Variants in CLDN15 observed in about 807,000 individuals in gnomAD.
CLDN15 encodes claudin 15.
In CLDN15, 9 loss-of-function variants were observed where a neutral mutation model predicts 24.5. The ratio of observed to expected loss-of-function variants is 0.37; its 90% CI spans 0.22 to 0.64. CLDN15 has a LOEUF of 0.64. Ranked by LOEUF, CLDN15 falls within the 30% of genes least tolerant of loss-of-function variation. The pLI, the probability that CLDN15 is intolerant of heterozygous loss-of-function variation, is 0.63. For synonymous variants in CLDN15, 149 were observed against 131.4 expected, an observed-to-expected ratio of 1.13 and a Z score of -0.92; for missense variants, 248 against 305.9, an observed-to-expected ratio of 0.81 and a Z score of 1.41.
rs549432025 is a variant in CLDN15, at chr7:101,237,627, G to A, written c.-46C>T. The A allele has an allele frequency of 3.4e-4, 483 of 1,415,580 alleles. No homozygotes were observed. Among genetic ancestry groups the A allele is most frequent in the Non-Finnish European group, 4.6e-4 (458 of 1,002,802 alleles). The allele number at this position is 1,415,580 out of a possible 1,614,324, so 87.7% of individuals were successfully genotyped here. A position where few individuals can be genotyped will look rare whatever the true frequency, so the allele number is the denominator to read the frequency against. ...GGGGCTGGTGCCCCAGAGAGGGGGA[G>A]GGGCAGAACCCCTAGGGAACTGGAA... On this transcript the variant is annotated 5_prime_UTR_variant, in exon 1 of 5. Coordinates refer to ENST00000308344, the MANE Select transcript of CLDN15 (RefSeq NM_014343.3). This position sits in a 1 kb window ranked among gnomAD's most constrained non-coding sequence, Gnocchi z 4.0.
rs1047319 is a variant in CLDN15 at position 101,232,491 on chromosome 7, T to G, written c.606A>C (p.Pro202=). ...AASARRPYQA[P]VSVMPVATSD... ...AGGTGGCGACGGGCATCACGGACACTGGAGCCTGGTAGGGCCGCCGGGCGC... is the reference window on the plus strand; with the variant it reads ...AGGTGGCGACGGGCATCACGGACACGGGAGCCTGGTAGGGCCGCCGGGCGC... Residue 202 remains proline (P), a synonymous_variant, in exon 5 of 5, where the codon CCA becomes CCC. Transcript: ENST00000308344. 0.22 allele frequency: 356,503 copies of G among 1,612,494 alleles called. 40,107 individuals are homozygous for G. Among genetic ancestry groups the G allele is most frequent in the South Asian group, 0.29 (26,311 of 91,030 alleles).
At chr7:101,236,691 G>A in intron 1 of CLDN15, 2 of 1,267,268 alleles carry the variant, frequency 1.6e-6, no homozygotes, top group Non-Finnish European at 2.1e-6. Context: ...CCAAAGAGCT[G>A]TTGGCTCCAG....
intron 2 of CLDN15, 77 bp from the exon 3 acceptor site, chr7:101,232,991 A>G: frequency 9.9e-7 from 1 of 1,008,146 alleles, no homozygotes; most frequent in Admixed American, 1.9e-5. Context: ...AGAGGCAGGC[A>G]GGGGCTGCCC....
intron 2 of CLDN15, 61 bp downstream of exon 2, chr7:101,234,217 C>A (rs1004424558): frequency 2.1e-5 from 28 of 1,337,926 alleles, no homozygotes; most frequent in Non-Finnish European, 2.9e-5. Flanking sequence ...TAGATGAGGA[C>A]AAAGCAGCCT....
chr7:101,232,869 G>A lies in CLDN15; in HGVS notation c.428C>T (p.Thr143Ile). 1 of 1,613,486 alleles carries A rather than the reference G, an allele frequency of 6.2e-7. No individual in the cohort carries two copies. Among genetic ancestry groups the A allele is most frequent in the South Asian group, 1.1e-5 (1 of 91,080 alleles). ...VAISWYAFNI[T>I]RDFFDPLYPG... ...GTACAAGGGGTCGAAGAAGTCCCGGGTGATGTTGAAGGCGTACCAGGAGAT... is the reference window on the plus strand; with the variant it reads ...GTACAAGGGGTCGAAGAAGTCCCGGATGATGTTGAAGGCGTACCAGGAGAT... The change falls in exon 3 of 5, where the codon ACC (threonine) becomes ATC (isoleucine). Residue 143 changes from threonine (T) to isoleucine (I), a missense_variant. By Grantham distance (89) the Thr-to-Ile change is moderately conservative. Coordinates refer to ENST00000308344, the MANE Select transcript of CLDN15 (RefSeq NM_014343.3).
intron 2 of CLDN15, chr7:101,233,848 T>A (rs1029698226): frequency 4.2e-6 from 1 of 240,790 alleles, no homozygotes; most frequent in Non-Finnish European, 8.4e-6. Flanking sequence ...GGTTTTGAAC[T>A]CCTGACCTCA....
chr7:101,236,331 G>A (rs1164142015), intron 1 of CLDN15, among the ~76,000 whole-genome samples: 11 of 152,096 alleles, frequency 7.2e-5, no homozygotes, highest in Non-Finnish European at 1.2e-4. Flanking sequence ...AGCCTCTGCC[G>A]CTGCCTCAGG....
chr7:101,235,256 A>G (rs1275999851), intron 1 of CLDN15, among the ~76,000 whole-genome samples: 3 of 152,170 alleles, frequency 2.0e-5, no homozygotes, highest in Non-Finnish European at 4.4e-5. Context: ...TGTACAGCAG[A>G]GGGCCTAGGG....
chr7:101,235,686 C>CG (rs1278600320), intron 1 of CLDN15, among the ~76,000 whole-genome samples: 4 of 152,062 alleles, frequency 2.6e-5, no homozygotes, highest in East Asian at 1.9e-4. Context: ...GGTGCAGAGT[C>CG]GGGGGGTAGG....
intron 2 of CLDN15, 50 bp downstream of exon 2, chr7:101,234,228 G>C (rs1204355722): frequency 3.5e-6 from 5 of 1,418,520 alleles, no homozygotes; most frequent in African/African-American, 2.8e-5. Flanking sequence ...AAAGCAGCCT[G>C]AAGTCTGCGG....
upstream of CLDN15, chr7:101,237,909 C>A: frequency 5.3e-6 from 2 of 374,070 alleles, no homozygotes; most frequent in Non-Finnish European, 1.0e-5. The surrounding 1 kb of genome is among the most constrained non-coding windows in gnomAD (Gnocchi z 4.0). Context: ...GGGCTCCCCG[C>A]CCCACGAGGG....
intron 1 of CLDN15, among the ~76,000 whole-genome samples, chr7:101,236,385 C>T (rs1291784962): frequency 6.6e-6 from 1 of 152,210 alleles, no homozygotes; most frequent in Non-Finnish European, 1.5e-5. Context: ...ACCCAGGCCC[C>T]CTAACTGCTC....
chr7:101,232,388 CG>C lies in CLDN15; in HGVS notation c.*21del. ...TCTCCTTGGGGCAGTGGGAAGACAGCGGGGCCCACGGGCCAGAGCTGCTACA... is the reference window on the plus strand; with the variant it reads ...TCTCCTTGGGGCAGTGGGAAGACAGCGGGCCCACGGGCCAGAGCTGCTACA... On this transcript the variant is annotated 3_prime_UTR_variant, in exon 5 of 5. Transcript: ENST00000308344. 1 of 1,545,366 alleles carries C rather than the reference CG, an allele frequency of 6.5e-7. No individual in the cohort carries two copies.
intron 1 of CLDN15, among the ~76,000 whole-genome samples, chr7:101,235,771 C>T (rs1798609087): frequency 6.6e-6 from 1 of 152,094 alleles, no homozygotes; most frequent in Non-Finnish European, 1.5e-5. Context: ...GAGTCTGAGT[C>T]CCCAGGTGGC....
In CLDN15 at chr7:101,237,274, C is replaced by CA; in HGVS notation, c.217+90_217+91insT. 1.2e-6 allele frequency: 1 copy of CA among 852,060 alleles called. No homozygotes were observed. The highest frequency in any genetic ancestry group is 1.9e-6 in the Non-Finnish European group (1 of 513,706). 52.8% of individuals were successfully genotyped at this position (852,060 alleles called of 1,614,324 possible). On this transcript the variant is annotated intron_variant, in intron 1 of 4. Coordinates refer to ENST00000308344, the MANE Select transcript of CLDN15 (RefSeq NM_014343.3). This position sits in a 1 kb window ranked among gnomAD's most constrained non-coding sequence, Gnocchi z 4.0. ...GACCCGCAGAGCTTAATTCAGGGCT[C>CA]CCTGCATCCTCACGGAAGTACCCGC...
At chr7:101,234,463 C>T (rs1469397322) in intron 1 of CLDN15, 21 bp from the exon 2 acceptor site, 3 of 1,584,070 alleles carry the variant, frequency 1.9e-6, no homozygotes, top group South Asian at 1.1e-5. Context: ...GCACAGTTGT[C>T]AGCCTTTCCC....
In CLDN15 at chr7:101,237,531, C is replaced by G. The variant is rs751410119; in HGVS notation, c.51G>C (p.Leu17=). ...TTGGCAGAGTCACCCCCAGCATCAG[C>G]AGCCCCACAGTTGCCATGAAGAAGC... is the stretch of plus-strand genomic sequence containing the variant. The part of the protein sequence containing the change: ...TFGFFMATVG[L]LMLGVTLPNS... The change falls in exon 1 of 5, where the codon CTG becomes CTC. Residue 17 remains leucine (L), a synonymous_variant. Coordinates refer to ENST00000308344, the MANE Select transcript of CLDN15 (RefSeq NM_014343.3). The surrounding 1 kb of genome is among the most constrained non-coding windows in gnomAD (Gnocchi z 4.0). 11 of 1,614,168 alleles carry G rather than the reference C, an allele frequency of 6.8e-6. No homozygotes were observed. Among genetic ancestry groups the G allele is most frequent in the Non-Finnish European group, 9.3e-6 (11 of 1,180,022 alleles).
rs752167334 is a variant in CLDN15, at chr7:101,234,367, G to A, written c.293C>T (p.Ala98Val). The A allele has an allele frequency of 1.2e-6, 2 of 1,612,232 alleles. No homozygotes were observed. The highest frequency in any genetic ancestry group is 1.7e-6 in the Non-Finnish European group (2 of 1,179,004). The change falls in exon 2 of 5, where the codon GCG (alanine) becomes GTG (valine). Residue 98 changes from alanine (A) to valine (V), a missense_variant. Ala to Val is a moderately conservative substitution (Grantham distance 64). Transcript: ENST00000308344. ...LGFLGLLLGI[A>V]GLRCTNIGGL... ...CCCAATGTTGGTGCAGCGCAGGCCCGCTATGCCTAGCAAGAGGCCGAGGAA... is the reference window on the plus strand; with the variant it reads ...CCCAATGTTGGTGCAGCGCAGGCCCACTATGCCTAGCAAGAGGCCGAGGAA...
Position 101,237,738 on chromosome 7 carries a change from C to T in CLDN15, c.-157G>A, listed in dbSNP as rs148059973. ...CCTGCCTCTTCCTCGGGCTCAGGTC[C>T]GTCTCCACTTTCTGCCTCCCTCCTG... On this transcript the variant is annotated 5_prime_UTR_variant, in exon 1 of 5. Coordinates refer to ENST00000308344, the MANE Select transcript of CLDN15 (RefSeq NM_014343.3). The surrounding 1 kb of genome is among the most constrained non-coding windows in gnomAD (Gnocchi z 4.0). 1.4e-4 allele frequency: 90 copies of T among 638,620 alleles called. No individual in the cohort carries two copies. The highest frequency in any genetic ancestry group is 1.4e-3 in the African/African-American group (77 of 55,356). 39.6% of individuals were successfully genotyped at this position (638,620 alleles called of 1,614,324 possible).
Sources: gnomAD v4.1 joint callset for allele counts (sites outside exome capture counted in the v4.1 genomes callset) on GRCh38, gnomAD v4.1.1 for gene constraint, Gnocchi (gnomAD v3.1) non-coding constraint, MANE v1.5 for transcripts, NCBI Gene and HGNC (gene_info 2026-07-23, HGNC 2026-07-21) for gene names.